CSMD2: variants seen among roughly 807,000 people sequenced by gnomAD.
The protein encoded by CSMD2 is CUB and Sushi multiple domains 2.
CSMD2 carries 130 observed loss-of-function variants against 398.5 expected under a neutral mutation model. That is an observed-to-expected ratio of 0.33 (90% confidence interval 0.28 to 0.38). The LOEUF (loss-of-function observed/expected upper bound fraction) is 0.38, where lower values mean the gene tolerates loss of function less well. Among genes scored for constraint, CSMD2 ranks in the 10% least tolerant of loss-of-function variants. The probability of loss-of-function intolerance (pLI) is 1.00; values close to 1 mark genes in which losing one functional copy is unlikely to be tolerated. For synonymous variants in CSMD2, 1,828 were observed against 1,908.5 expected (o/e 0.96, Z 1.10); for missense variants, 3,829 against 4,764.9 (o/e 0.80, Z 5.78).
chr1:33,704,141 T>C (rs545133668), intron 22 of CSMD2, among the ~76,000 whole-genome samples: 1 of 152,352 alleles, frequency 6.6e-6, no homozygotes, highest in African/African-American at 2.4e-5. Flanking sequence ...GTTTCTATTA[T>C]AAATGAGACT....
At chr1:33,631,471 G>A (rs891538404) in intron 32 of CSMD2, among the ~76,000 whole-genome samples, 2 of 152,090 alleles carry the variant, frequency 1.3e-5, no homozygotes, top group African/African-American at 4.8e-5. Context: ...AGAATTAGTT[G>A]GCAGTGTAAG....
intron 12 of CSMD2, among the ~76,000 whole-genome samples, chr1:33,778,066 TTTGGCATGACTAA>T (rs1459167324): frequency 3.9e-5 from 6 of 152,256 alleles, no homozygotes; most frequent in Admixed American, 3.9e-4. Context: ...CTCCTCTTCC[TTTGGCATGACTAA>T]CGCCTTGCAT....
At chr1:33,607,807 G>A (rs1640722086) in intron 41 of CSMD2, among the ~76,000 whole-genome samples, 1 of 152,198 alleles carries the variant, frequency 6.6e-6, no homozygotes, top group Non-Finnish European at 1.5e-5. Context: ...GGCAAGTCCT[G>A]AAGGTCACAT....
chr1:34,088,096 G>A (rs1658120737), intron 2 of CSMD2, among the ~76,000 whole-genome samples: 1 of 152,224 alleles, frequency 6.6e-6, no homozygotes, highest in Non-Finnish European at 1.5e-5. Context: ...GGAGCTTGGA[G>A]GCCAAGGGCT....
chr1:33,716,089 C>T (rs568719160), intron 20 of CSMD2, among the ~76,000 whole-genome samples, 197 bp downstream of exon 20: 12 of 152,308 alleles, frequency 7.9e-5, no homozygotes, highest in Non-Finnish European at 7.4e-5. Context: ...ATTATGCTAA[C>T]TCCTTCCAAG....
At position 33,743,586 on chromosome 1, in the gene CSMD2, T is replaced by A. The variant is rs754950964; in HGVS notation, c.1867A>T (p.Thr623Ser). Residue 623 changes from threonine to serine, a missense_variant, in exon 14 of 71, where the codon ACC (threonine) becomes TCC (serine). By Grantham distance (58) the Thr-to-Ser change is moderately conservative. Coordinates refer to ENST00000373381, the MANE Select transcript of CSMD2 (RefSeq NM_001281956.2). Reference protein sequence around the residue: ...GCVFSCFFNFTSPSGVVLSPN... With the variant: ...GCVFSCFFNFSSPSGVVLSPN... ...GACAGGACAACCCCAGACGGGCTGG[T>A]GAAGTTGAAGAAGCAGGAGACTGCA... 15 of 1,601,826 alleles carry A rather than the reference T, an allele frequency of 9.4e-6. No individual in the cohort carries two copies. Among genetic ancestry groups the A allele is most frequent in the Non-Finnish European group, 1.3e-5 (15 of 1,171,342 alleles).
chr1:33,567,152 A>AT (rs1188191963), intron 53 of CSMD2, among the ~76,000 whole-genome samples: 4 of 152,050 alleles, frequency 2.6e-5, no homozygotes, highest in African/African-American at 9.7e-5. Flanking sequence ...AAAATTTTCT[A>AT]TGTAAAAGGG....
At chr1:33,595,587 C>T (rs1639784748) in intron 44 of CSMD2, among the ~76,000 whole-genome samples, 1 of 152,118 alleles carries the variant, frequency 6.6e-6, no homozygotes, top group Non-Finnish European at 1.5e-5. Flanking sequence ...CTGTTTGATT[C>T]AATAGGTCAC....
At chr1:33,764,317 A>G (rs530586748) in intron 13 of CSMD2, among the ~76,000 whole-genome samples, 2 of 152,166 alleles carry the variant, frequency 1.3e-5, no homozygotes, top group Non-Finnish European at 2.9e-5. Context: ...GGGACGCTTC[A>G]TAGCTATGAC....
At chr1:33,926,784 T>C (rs546955396) in intron 4 of CSMD2, among the ~76,000 whole-genome samples, 1 of 152,344 alleles carries the variant, frequency 6.6e-6, no homozygotes, top group African/African-American at 2.4e-5. Flanking sequence ...TTTCCAAGTT[T>C]ATGACTTTAT....
At chr1:33,639,867 T>A (rs982604863) in intron 29 of CSMD2, among the ~76,000 whole-genome samples, 6 of 152,208 alleles carry the variant, frequency 3.9e-5, no homozygotes, top group Non-Finnish European at 7.3e-5. Context: ...TTCAAGGCAC[T>A]TTCCAAGCCG....
chr1:33,814,248 T>C (rs12045177), intron 9 of CSMD2: 17,316 of 152,198 alleles, frequency 0.11, 1,186 homozygotes, highest in East Asian at 0.26. Context: ...GGAATGAATC[T>C]CTCTACCTGC....
intron 44 of CSMD2, chr1:33,599,895 T>C: frequency 2.3e-6 from 1 of 443,236 alleles, no homozygotes; most frequent in Non-Finnish European, 4.0e-6. Context: ...GCACGCATGA[T>C]GTAATAACAC....
chr1:33,550,393 T>C (rs1657332968), intron 55 of CSMD2, 43 bp from the exon 56 acceptor site: 1 of 1,580,988 alleles, frequency 6.3e-7, no homozygotes, highest in Admixed American at 1.7e-5. Flanking sequence ...TGCACAGGGA[T>C]GGCTCACCAT....
intron 1 of CSMD2, among the ~76,000 whole-genome samples, chr1:34,159,338 C>CA (rs1553123919): frequency 7.0e-6 from 1 of 142,814 alleles, no homozygotes; most frequent in Non-Finnish European, 1.5e-5. Flanking sequence ...GCCCCCCCCC[C>CA]ACCCAGGAGC....
intron 5 of CSMD2, among the ~76,000 whole-genome samples, chr1:33,901,225 G>C (rs1642736321): frequency 2.6e-5 from 4 of 152,206 alleles, no homozygotes; most frequent in African/African-American, 9.6e-5. Flanking sequence ...TCTTGACATT[G>C]GTCCTGTTGC....
chr1:33,547,073 A>G (rs1656978056), intron 56 of CSMD2, among the ~76,000 whole-genome samples: 1 of 152,094 alleles, frequency 6.6e-6, no homozygotes, highest in Admixed American at 6.6e-5. Context: ...AGGATTCCCT[A>G]CTCACAAATT....
chr1:33,883,750 G>T (rs534988700), intron 5 of CSMD2, among the ~76,000 whole-genome samples: 5 of 152,286 alleles, frequency 3.3e-5, no homozygotes, highest in African/African-American at 1.2e-4. Context: ...GCCTTGAATT[G>T]GGAAACAAGG....
At chr1:33,778,300 A>G (rs1652264049) in intron 12 of CSMD2, among the ~76,000 whole-genome samples, 1 of 152,026 alleles carries the variant, frequency 6.6e-6, no homozygotes, top group Non-Finnish European at 1.5e-5. Flanking sequence ...GGCTCGAGCA[A>G]TCCTCCCATT....
Sources: gnomAD v4.1 joint callset for allele counts (sites outside exome capture counted in the v4.1 genomes callset) on GRCh38, gnomAD v4.1.1 for gene constraint, MANE v1.5 for transcripts, NCBI Gene and HGNC (gene_info 2026-07-23, HGNC 2026-07-21) for gene names.